The following GOLPH3 variants were observed in gnomAD, a reference collection of about 807,000 sequenced individuals.
GOLPH3 encodes golgi phosphoprotein 3, also known as coat protein GPP34.
Under a neutral mutation model 28.5 loss-of-function variants are expected in GOLPH3, and 14 were observed. The observed-to-expected ratio is 0.49, with a 90% CI of 0.32 to 0.77. The LOEUF (loss-of-function observed/expected upper bound fraction) is 0.77, where lower values mean the gene tolerates loss of function less well. Ranked by LOEUF, GOLPH3 falls within the 30% of genes least tolerant of loss-of-function variation. GOLPH3 has a pLI of 0.03. For missense variants in GOLPH3, 350 were observed against 393.7 expected (o/e 0.89, Z 0.94); for synonymous variants, 158 against 159.2 (o/e 0.99, Z 0.06).
At chr5:32,170,452 T>C (rs1041644864) in intron 1 of GOLPH3, among the ~76,000 whole-genome samples, 1 of 152,212 alleles carries the variant, frequency 6.6e-6, no homozygotes, top group African/African-American at 2.4e-5. Flanking sequence ...TTAAAGTTCT[T>C]AGGAGAATCC....
chr5:32,143,371 C>A (rs1746124461), intron 2 of GOLPH3, among the ~76,000 whole-genome samples: 1 of 151,936 alleles, frequency 6.6e-6, no homozygotes, highest in Non-Finnish European at 1.5e-5. Context: ...ACTTGTTTAT[C>A]TGCTGACCTT....
intron 2 of GOLPH3, among the ~76,000 whole-genome samples, chr5:32,143,283 A>AGATTAG (rs1746122058): frequency 6.6e-6 from 1 of 151,222 alleles, no homozygotes; most frequent in Admixed American, 6.6e-5. Flanking sequence ...ACCACTCCCT[A>AGATTAG]ATCTCAAGTA....
intron 1 of GOLPH3, among the ~76,000 whole-genome samples, chr5:32,173,196 C>G (rs536873075): frequency 6.6e-6 from 1 of 152,220 alleles, no homozygotes; most frequent in South Asian, 2.1e-4. Flanking sequence ...TAATCTCTCA[C>G]CTAATGTAAG....
intron 2 of GOLPH3, among the ~76,000 whole-genome samples, chr5:32,139,303 G>C (rs1216439245): frequency 6.6e-6 from 1 of 152,170 alleles, no homozygotes; most frequent in Non-Finnish European, 1.5e-5. Flanking sequence ...GTATAGAAGA[G>C]GATGTGCATA....
Position 32,173,902 on chromosome 5 carries a change from C to T in GOLPH3, c.133G>A (p.Asp45Asn). 1 of 1,515,142 alleles carries T rather than the reference C, an allele frequency of 6.6e-7. No individual in the cohort carries two copies. The allele number at this position is 1,515,142 out of a possible 1,614,324, so 93.9% of individuals were successfully genotyped here. A position where few individuals can be genotyped will look rare whatever the true frequency, so the allele number is the denominator to read the frequency against. Residue 45 changes from aspartate to asparagine, a missense_variant, in exon 1 of 4, where the codon GAC (aspartate) becomes AAC (asparagine). By Grantham distance (23) the Asp-to-Asn change is conservative (BLOSUM62 1). Transcript: ENST00000265070. Reference sequence around the variant, plus strand: ...CCCTTGTCGTCGTCGTCCTGCTCGTCGCGGCGGCTCTGCGCGTCGTCCTCG... The same window carrying T: ...CCCTTGTCGTCGTCGTCCTGCTCGTTGCGGCGGCTCTGCGCGTCGTCCTCG... ...SSEDDAQSRR[D>N]EQDDDDKGDS...
At chr5:32,128,803 TAAA>T (rs754409274) in intron 3 of GOLPH3, among the ~76,000 whole-genome samples, 1 of 140,710 alleles carries the variant, frequency 7.1e-6, no homozygotes, top group African/African-American at 2.6e-5. Context: ...GCATCGAAGT[TAAA>T]AAAAAAAAAA....
At chr5:32,144,935 A>T (rs1192903946) in intron 1 of GOLPH3, among the ~76,000 whole-genome samples, 4 of 152,230 alleles carry the variant, frequency 2.6e-5, no homozygotes, top group African/African-American at 9.6e-5. Context: ...ATGAGACAGC[A>T]GAAGCTATAA....
chr5:32,130,406 G>T (rs1345456740), intron 3 of GOLPH3, among the ~76,000 whole-genome samples: 1 of 152,084 alleles, frequency 6.6e-6, no homozygotes, highest in Non-Finnish European at 1.5e-5. Context: ...ATTATGTAAA[G>T]AATAATTTGT....
intron 1 of GOLPH3, among the ~76,000 whole-genome samples, chr5:32,152,423 C>A (rs1209219291): frequency 5.5e-4 from 72 of 130,522 alleles, no homozygotes; most frequent in African/African-American, 1.8e-3. Flanking sequence ...CCGCGCCTGC[C>A]CCCCCCAGCC....
At chr5:32,134,123 G>C (rs1745883296) in intron 3 of GOLPH3, among the ~76,000 whole-genome samples, 1 of 152,064 alleles carries the variant, frequency 6.6e-6, no homozygotes. Flanking sequence ...ATAGTCCCAG[G>C]GCTTTAGGAA....
At chr5:32,165,724 T>G (rs892169597) in intron 1 of GOLPH3, among the ~76,000 whole-genome samples, 1 of 152,206 alleles carries the variant, frequency 6.6e-6, no homozygotes, top group Non-Finnish European at 1.5e-5. Context: ...GTAAAGGGCC[T>G]CTCACAGAGC....
intron 1 of GOLPH3, among the ~76,000 whole-genome samples, chr5:32,166,739 C>T (rs1269309860): frequency 2.0e-5 from 3 of 150,836 alleles, no homozygotes; most frequent in Non-Finnish European, 4.4e-5. Context: ...ACCCAGGAGG[C>T]GGAGTTGCAG....
intron 1 of GOLPH3, among the ~76,000 whole-genome samples, chr5:32,160,029 C>G (rs1265995333): frequency 1.3e-5 from 2 of 152,054 alleles, no homozygotes; most frequent in Non-Finnish European, 2.9e-5. Context: ...AAAATCATTC[C>G]CACTTGGGAG....
chr5:32,166,762 G>C (rs887760960), intron 1 of GOLPH3, among the ~76,000 whole-genome samples: 1 of 151,472 alleles, frequency 6.6e-6, no homozygotes, highest in Admixed American at 6.6e-5. Flanking sequence ...GGCCAAGACG[G>C]TGCCATTGCA....
At chr5:32,160,412 A>G (rs938057869) in intron 1 of GOLPH3, among the ~76,000 whole-genome samples, 5 of 152,224 alleles carry the variant, frequency 3.3e-5, no homozygotes, top group African/African-American at 9.6e-5. Flanking sequence ...TTTTAACTCA[A>G]TAAACTCTAC....
intron 1 of GOLPH3, among the ~76,000 whole-genome samples, chr5:32,165,103 T>C (rs916966346): frequency 6.6e-6 from 1 of 152,000 alleles, no homozygotes; most frequent in African/African-American, 2.4e-5. Flanking sequence ...TTTCACCATG[T>C]TGGCCAGGCT....
chr5:32,167,511 A>T (rs936763155), intron 1 of GOLPH3, among the ~76,000 whole-genome samples: 4 of 152,170 alleles, frequency 2.6e-5, no homozygotes, highest in African/African-American at 9.7e-5. Flanking sequence ...AATGCTCCAT[A>T]CAAGAACTCT....
Position 32,125,736 on chromosome 5 carries a change from G to A in GOLPH3, c.*476C>T, listed in dbSNP as rs13181965. 1 of 153,936 alleles carries A rather than the reference G, an allele frequency of 6.5e-6. No individual in the cohort carries two copies. The highest frequency in any genetic ancestry group is 1.9e-4 in the East Asian group (1 of 5,242). The allele number at this position is 153,936 out of a possible 1,614,324, so 9.5% of individuals were successfully genotyped here. ...TTCAATTTAAAAATAATTTTGCTAA[G>A]TATACATCTCAACTGAAGTCTATGT... On this transcript the variant is annotated 3_prime_UTR_variant, in exon 4 of 4. Transcript: ENST00000265070.
At chr5:32,149,665 T>G (rs186464220) in intron 1 of GOLPH3, among the ~76,000 whole-genome samples, 1 of 152,270 alleles carries the variant, frequency 6.6e-6, no homozygotes, top group East Asian at 1.9e-4. Context: ...TTAAAAAGAC[T>G]AGACAAGAAA....
Sources: gnomAD v4.1 joint callset for allele counts (sites outside exome capture counted in the v4.1 genomes callset) on GRCh38, gnomAD v4.1.1 for gene constraint, MANE v1.5 for transcripts, NCBI Gene and HGNC (gene_info 2026-07-23, HGNC 2026-07-21) for gene names.